MEIS2: variants seen among roughly 807,000 people sequenced by gnomAD.
MEIS2 encodes the protein homeobox protein Meis2.
A neutral mutation model predicts 58.6 loss-of-function variants in MEIS2; 9 were observed. That is an observed-to-expected ratio of 0.15 (90% CI 0.09 to 0.27). MEIS2 has a LOEUF of 0.27. MEIS2 is among the 10% of genes least tolerant of loss of function. MEIS2 has a pLI of 1.00. For missense variants in MEIS2, 427 were observed against 635.0 expected, an observed-to-expected ratio of 0.67 and a Z score of 3.52; for synonymous variants, 221 against 228.4, an observed-to-expected ratio of 0.97 and a Z score of 0.29.
At chr15:37,021,137 T>A (rs974197898) in intron 8 of MEIS2, among the ~76,000 whole-genome samples, 19 of 152,224 alleles carry the variant, frequency 1.2e-4, no homozygotes, top group Non-Finnish European at 2.6e-4. Context: ...TATGGTATTT[T>A]GTTATGGCAG....
intron 7 of MEIS2, among the ~76,000 whole-genome samples, 167 bp downstream of exon 7, chr15:37,083,604 G>A (rs1892517522): frequency 6.6e-6 from 1 of 152,096 alleles, no homozygotes; most frequent in Admixed American, 6.6e-5. Context: ...TTTTTTTAAG[G>A]AAAGTAAGTT....
chr15:36,924,812 G>A (rs180848479), intron 9 of MEIS2, among the ~76,000 whole-genome samples: 26 of 152,278 alleles, frequency 1.7e-4, no homozygotes, highest in Admixed American at 6.5e-4. Flanking sequence ...GGGTGTCTCC[G>A]CAGCAAGTGT....
At chr15:36,920,850 T>C (rs932348711) in intron 9 of MEIS2, among the ~76,000 whole-genome samples, 2 of 152,188 alleles carry the variant, frequency 1.3e-5, no homozygotes, top group Non-Finnish European at 2.9e-5. Flanking sequence ...TCTACATCCT[T>C]TACCTAGACT....
At chr15:36,971,168 C>A (rs1189344948) in intron 8 of MEIS2, among the ~76,000 whole-genome samples, 1 of 151,912 alleles carries the variant, frequency 6.6e-6, no homozygotes, top group East Asian at 1.9e-4. Flanking sequence ...AAGGAATAAT[C>A]AGAACATAAA....
chr15:37,007,145 C>T (rs2060951056), intron 8 of MEIS2, among the ~76,000 whole-genome samples: 1 of 152,164 alleles, frequency 6.6e-6, no homozygotes, highest in African/African-American at 2.4e-5. Context: ...TCCAATTTGT[C>T]TGAGGGCAAT....
intron 3 of MEIS2, 96 bp downstream of exon 3, chr15:37,096,193 G>GTGT (rs2140095321): frequency 7.5e-7 from 1 of 1,337,402 alleles, no homozygotes; most frequent in East Asian, 2.6e-5. Flanking sequence ...AACAGATAGG[G>GTGT]TGTCCCTGGC....
At chr15:37,058,978 G>T (rs1180337918) in intron 7 of MEIS2, among the ~76,000 whole-genome samples, 1 of 152,106 alleles carries the variant, frequency 6.6e-6, no homozygotes, top group Admixed American at 6.5e-5. Context: ...TGTTCTGTAA[G>T]AATCATTAAA....
chr15:37,015,686 T>G (rs1435579841), intron 8 of MEIS2, among the ~76,000 whole-genome samples: 1 of 152,074 alleles, frequency 6.6e-6, no homozygotes, highest in Admixed American at 6.6e-5. Flanking sequence ...GCAATGGCAC[T>G]CATGAATATT....
chr15:37,016,504 T>TA (rs1394238020), intron 8 of MEIS2, among the ~76,000 whole-genome samples: 2 of 151,544 alleles, frequency 1.3e-5, no homozygotes, highest in East Asian at 1.9e-4. Flanking sequence ...GGTAGCAACT[T>TA]AAAAAAAAGT....
chr15:36,908,025 A>G (rs1251911438), intron 9 of MEIS2, among the ~76,000 whole-genome samples: 1 of 152,192 alleles, frequency 6.6e-6, no homozygotes, highest in South Asian at 2.1e-4. Context: ...AAAAATTATT[A>G]TGAAAACATA....
At chr15:37,052,283 C>CTG (rs1389826997) in intron 7 of MEIS2, among the ~76,000 whole-genome samples, 2 of 152,208 alleles carry the variant, frequency 1.3e-5, no homozygotes, top group African/African-American at 4.8e-5. Context: ...CATTTGTGGA[C>CTG]TGTCTACTAC....
chr15:36,957,835 A>C (rs1366681517), intron 8 of MEIS2, among the ~76,000 whole-genome samples: 2 of 152,228 alleles, frequency 1.3e-5, no homozygotes, highest in African/African-American at 4.8e-5. Context: ...GCTGTGCCAC[A>C]GATAAGATGC....
intron 8 of MEIS2, among the ~76,000 whole-genome samples, chr15:36,952,457 G>A (rs1402121885): frequency 6.6e-6 from 1 of 152,066 alleles, no homozygotes; most frequent in Non-Finnish European, 1.5e-5. Flanking sequence ...ATCTGCATTG[G>A]TAATGTCTTC....
At chr15:36,948,039 A>G (rs1411856368) in intron 9 of MEIS2, among the ~76,000 whole-genome samples, 1 of 151,968 alleles carries the variant, frequency 6.6e-6, no homozygotes, top group Admixed American at 6.6e-5. Flanking sequence ...TACTATCCTC[A>G]TGAGTAACAC....
At chr15:37,094,375 T>G (rs1567292050) in intron 5 of MEIS2, 152 bp downstream of exon 5, 1 of 687,498 alleles carries the variant, frequency 1.5e-6, no homozygotes, top group Non-Finnish European at 2.4e-6. Context: ...TGAGCCCCTG[T>G]GTTGAGAAGC....
intron 8 of MEIS2, among the ~76,000 whole-genome samples, chr15:37,016,333 GTT>G (rs11355643): frequency 0.019 from 2,863 of 148,408 alleles, 79 homozygotes; most frequent in African/African-American, 0.063. Context: ...TATTTGCAGT[GTT>G]TTTTTTTTTT....
intron 8 of MEIS2, among the ~76,000 whole-genome samples, chr15:36,974,659 C>T (rs1360710343): frequency 6.6e-6 from 1 of 152,182 alleles, no homozygotes; most frequent in Non-Finnish European, 1.5e-5. Flanking sequence ...TTAACGTCCT[C>T]TGTAAGCTAA....
chr15:37,046,439 T>C (rs1029857272), intron 7 of MEIS2, among the ~76,000 whole-genome samples: 5 of 152,056 alleles, frequency 3.3e-5, no homozygotes, highest in Admixed American at 2.6e-4. Flanking sequence ...TGCATCTATA[T>C]GATATAATGG....
chr15:37,051,978 CA>C (rs34511475), intron 7 of MEIS2, among the ~76,000 whole-genome samples: 17 of 149,814 alleles, frequency 1.1e-4, no homozygotes, highest in Non-Finnish European at 1.5e-4. Flanking sequence ...ATCCAAGTTG[CA>C]AAAAAAAAAT....
Sources: gnomAD v4.1 joint callset for allele counts (sites outside exome capture counted in the v4.1 genomes callset) on GRCh38, gnomAD v4.1.1 for gene constraint, MANE v1.5 for transcripts, NCBI Gene and HGNC (gene_info 2026-07-23, HGNC 2026-07-21) for gene names.